GRM3: variants seen among roughly 807,000 people sequenced by gnomAD.
GRM3 encodes glutamate metabotropic receptor 3.
Under a neutral mutation model 70.5 loss-of-function variants are expected in GRM3, and 26 were observed. The ratio of observed to expected loss-of-function variants is 0.37; its 90% CI spans 0.27 to 0.51. The LOEUF is 0.51. Ranked by LOEUF, GRM3 falls within the 20% of genes least tolerant of loss-of-function variation. The pLI is 0.93. For synonymous variants in GRM3, 443 were observed against 434.9 expected (o/e 1.02, Z -0.23); for missense variants, 859 against 1,123.8 (o/e 0.76, Z 3.37).
At chr7:86,805,901 C>T (rs898440929) in intron 3 of GRM3, among the ~76,000 whole-genome samples, 2 of 149,052 alleles carry the variant, frequency 1.3e-5, no homozygotes, top group East Asian at 2.0e-4. Flanking sequence ...CTCCCCCCTC[C>T]CCGCACCCCA....
chr7:86,685,448 C>A (rs1173403999), intron 1 of GRM3, among the ~76,000 whole-genome samples: 3 of 152,194 alleles, frequency 2.0e-5, no homozygotes, highest in African/African-American at 7.2e-5. Flanking sequence ...GAAACAAGCT[C>A]TGGCACCTGT....
intron 2 of GRM3, chr7:86,774,980 A>G (rs1355017948): frequency 6.6e-6 from 1 of 152,164 alleles, no homozygotes; most frequent in African/African-American, 2.4e-5. Flanking sequence ...GGAATGTAAC[A>G]TCAGACAATA....
chr7:86,812,079 G>C (rs1214557976), intron 3 of GRM3, among the ~76,000 whole-genome samples: 2 of 151,742 alleles, frequency 1.3e-5, no homozygotes, highest in African/African-American at 4.8e-5. Context: ...ATGAGCAATT[G>C]TCTGTAGTCA....
At chr7:86,666,605 G>A (rs927575401) in intron 1 of GRM3, among the ~76,000 whole-genome samples, 2 of 152,018 alleles carry the variant, frequency 1.3e-5, no homozygotes, top group Admixed American at 6.6e-5. Context: ...TCATTATTCA[G>A]ATTCTCCAAA....
At chr7:86,752,833 G>T (rs547054493) in intron 1 of GRM3, among the ~76,000 whole-genome samples, 37 of 152,140 alleles carry the variant, frequency 2.4e-4, no homozygotes, top group South Asian at 2.3e-3. Context: ...ATTGACTCAG[G>T]ATAAGACGTG....
chr7:86,782,297 G>A (rs1207208168), intron 2 of GRM3, among the ~76,000 whole-genome samples: 1 of 150,568 alleles, frequency 6.6e-6, no homozygotes, highest in African/African-American at 2.5e-5. Flanking sequence ...TTCATTACTG[G>A]GGACAAACTC....
chr7:86,734,998 T>G (rs1451517561), intron 1 of GRM3, among the ~76,000 whole-genome samples: 1 of 152,202 alleles, frequency 6.6e-6, no homozygotes, highest in African/African-American at 2.4e-5. Flanking sequence ...TCTCACACAT[T>G]TTGTTAAAAT....
intron 3 of GRM3, among the ~76,000 whole-genome samples, chr7:86,805,145 G>A (rs760327519): frequency 2.6e-5 from 4 of 151,974 alleles, no homozygotes; most frequent in African/African-American, 4.8e-5. Context: ...TAAAGAGGAT[G>A]GTAGTATACA....
chr7:86,784,989 G>A (rs1167555883), intron 2 of GRM3, among the ~76,000 whole-genome samples: 2 of 152,148 alleles, frequency 1.3e-5, no homozygotes, highest in African/African-American at 2.4e-5. Context: ...GATTAATCGG[G>A]GCTCAGATGT....
intron 2 of GRM3, among the ~76,000 whole-genome samples, chr7:86,771,452 T>A (rs1292597691): frequency 6.6e-6 from 1 of 152,076 alleles, no homozygotes; most frequent in Non-Finnish European, 1.5e-5. Context: ...TATTTACCTA[T>A]CTATTATAAC....
intron 1 of GRM3, among the ~76,000 whole-genome samples, chr7:86,737,919 C>A (rs1198916310): frequency 1.3e-5 from 2 of 152,204 alleles, no homozygotes; most frequent in Non-Finnish European, 2.9e-5. Flanking sequence ...GCATGCCCCA[C>A]TTAGATCTAT....
intron 3 of GRM3, among the ~76,000 whole-genome samples, chr7:86,801,789 G>C (rs1427073876): frequency 6.6e-6 from 1 of 152,044 alleles, no homozygotes; most frequent in Non-Finnish European, 1.5e-5. Context: ...CTTCCTAAAA[G>C]TTATAATTTT....
intron 1 of GRM3, among the ~76,000 whole-genome samples, chr7:86,681,274 G>A (rs1195197624): frequency 2.0e-5 from 3 of 152,112 alleles, no homozygotes; most frequent in Admixed American, 1.3e-4. Context: ...TTCAGCATAA[G>A]TGATGGAACC....
intron 1 of GRM3, among the ~76,000 whole-genome samples, chr7:86,745,685 A>G (rs1796085846): frequency 6.6e-6 from 1 of 152,146 alleles, no homozygotes; most frequent in Non-Finnish European, 1.5e-5. Context: ...CTATATTATC[A>G]TTATAGTAAA....
At chr7:86,732,619 A>T (rs1223868839) in intron 1 of GRM3, among the ~76,000 whole-genome samples, 1 of 152,234 alleles carries the variant, frequency 6.6e-6, no homozygotes, top group African/African-American at 2.4e-5. Flanking sequence ...GTTCATCTTC[A>T]CAACAGTCCT....
rs757596321 is a variant in GRM3 at position 86,765,118 on chromosome 7, A to C, written c.-28A>C. 1 of 1,532,874 alleles carries C rather than the reference A, an allele frequency of 6.5e-7. No individual in the cohort carries two copies. The highest frequency in any genetic ancestry group is 8.7e-7 in the Non-Finnish European group (1 of 1,146,558). The allele number at this position is 1,532,874 out of a possible 1,614,324, so 95.0% of individuals were successfully genotyped here. A position where few individuals can be genotyped will look rare whatever the true frequency, so the allele number is the denominator to read the frequency against. ...ATGACACATTGGCTCCACCATTGAT[A>C]TCTCCCAGAGGTACAGAAACAGGAT... On this transcript the variant is annotated 5_prime_UTR_variant, in exon 2 of 6. Coordinates refer to ENST00000361669, the MANE Select transcript of GRM3 (RefSeq NM_000840.3).
At chr7:86,677,970 A>G (rs949101431) in intron 1 of GRM3, among the ~76,000 whole-genome samples, 3 of 152,012 alleles carry the variant, frequency 2.0e-5, no homozygotes, top group African/African-American at 7.2e-5. Context: ...CCCAAAAAGG[A>G]GACTAGTAAA....
chr7:86,827,651 T>C (rs967870251), intron 3 of GRM3, among the ~76,000 whole-genome samples: 2 of 152,020 alleles, frequency 1.3e-5, no homozygotes, highest in South Asian at 2.1e-4. Flanking sequence ...GTAGCTGTTA[T>C]TACAGGCGCC....
intron 1 of GRM3, among the ~76,000 whole-genome samples, chr7:86,717,968 G>A (rs572408825): frequency 6.6e-6 from 1 of 151,802 alleles, no homozygotes; most frequent in Non-Finnish European, 1.5e-5. Context: ...CCTCACTAAG[G>A]GTATTTTATT....
Sources: allele counts gnomAD v4.1 joint callset (sites outside exome capture counted in the v4.1 genomes callset), GRCh38; gene constraint gnomAD v4.1.1; transcripts MANE v1.5; gene names NCBI Gene and HGNC (gene_info 2026-07-23, HGNC 2026-07-21).